CFAP221: variants seen among roughly 807,000 people sequenced by gnomAD.
CFAP221 encodes cilia- and flagella-associated protein 221.
Under a neutral mutation model 113.1 loss-of-function variants are expected in CFAP221, and 97 were observed. That is an observed-to-expected ratio of 0.86 (90% CI 0.73 to 1.02). CFAP221 has a LOEUF of 1.02. Ranked by LOEUF, CFAP221 falls within the 50% of genes least tolerant of loss-of-function variation. The pLI is 0.00. For synonymous variants in CFAP221, 331 were observed against 354.4 expected (o/e 0.93, Z 0.74); for missense variants, 1,025 against 1,013.4 (o/e 1.01, Z -0.16).
intron 15 of CFAP221, among the ~76,000 whole-genome samples, chr2:119,626,137 C>G (rs750311080): frequency 6.6e-5 from 10 of 152,292 alleles, no homozygotes; most frequent in Non-Finnish European, 1.5e-4. Flanking sequence ...CCACATGACT[C>G]TAACCTCTTG....
chr2:119,624,891 G>A (rs2104744473), intron 14 of CFAP221, among the ~76,000 whole-genome samples: 1 of 152,194 alleles, frequency 6.6e-6, no homozygotes, highest in South Asian at 2.1e-4. Flanking sequence ...ACTAGGGGAG[G>A]GATATCATTA....
chr2:119,603,999 C>G (rs2104671323), intron 8 of CFAP221, among the ~76,000 whole-genome samples: 1 of 152,256 alleles, frequency 6.6e-6, no homozygotes, highest in South Asian at 2.1e-4. Flanking sequence ...CATCTTGCTA[C>G]AAACAATTGG....
chr2:119,556,610 A>G (rs1032636380), intron 3 of CFAP221, among the ~76,000 whole-genome samples: 2 of 150,378 alleles, frequency 1.3e-5, no homozygotes, highest in Admixed American at 6.6e-5. Flanking sequence ...TTGGAGTGCA[A>G]TGGCGCGATC....
chr2:119,625,913 G>T, intron 15 of CFAP221: 1 of 523,722 alleles, frequency 1.9e-6, no homozygotes, highest in South Asian at 2.4e-5. Flanking sequence ...GGCTGAATAT[G>T]GTATTTTCTC....
chr2:119,559,996 C>A lies in CFAP221; in HGVS notation c.396C>A (p.Tyr132Ter). 1 of 1,522,808 alleles carries A rather than the reference C, an allele frequency of 6.6e-7. No individual in the cohort carries two copies. The highest frequency in any genetic ancestry group is 8.8e-7 in the Non-Finnish European group (1 of 1,138,782). 94.3% of individuals were successfully genotyped at this position (1,522,808 alleles called of 1,614,324 possible). The change falls in exon 5 of 24, where the codon TAC (tyrosine) becomes TAA (stop). Residue 132 changes from tyrosine (Y) to a stop codon, truncating the protein, a stop_gained. Transcript: ENST00000413369. LOFTEE classifies it high-confidence loss of function. Reference protein sequence around the residue: ...TVTFSPDEWRYYYDCIRVHCK... With the variant: ...TVTFSPDEWR ...CATTTTCTCCAGATGAGTGGCGATA[C>A]TATTATGACTGCATCCGTGTTCACT... is the stretch of plus-strand genomic sequence containing the variant.
At chr2:119,618,204 C>G (rs1160145808) in intron 14 of CFAP221, among the ~76,000 whole-genome samples, 1 of 152,210 alleles carries the variant, frequency 6.6e-6, no homozygotes, top group East Asian at 1.9e-4. Flanking sequence ...CATTTATTTG[C>G]TCCTTACTGT....
At chr2:119,615,528 CA>C in intron 13 of CFAP221, 82 bp from the exon 14 acceptor site, 1 of 1,007,576 alleles carries the variant, frequency 9.9e-7, no homozygotes, top group Non-Finnish European at 1.4e-6. Flanking sequence ...GATTTGGGAT[CA>C]AACTCTAAAA....
chr2:119,567,377 T>C (rs753256527), intron 6 of CFAP221, among the ~76,000 whole-genome samples: 2 of 152,226 alleles, frequency 1.3e-5, no homozygotes, highest in Non-Finnish European at 2.9e-5. Context: ...TAGTATTTAG[T>C]CTTTTTCTGA....
chr2:119,611,120 C>G (rs1029889173), intron 12 of CFAP221, among the ~76,000 whole-genome samples: 2 of 152,114 alleles, frequency 1.3e-5, no homozygotes, highest in Non-Finnish European at 2.9e-5. Context: ...TCCCCACATG[C>G]CTTCCTTAAA....
intron 6 of CFAP221, among the ~76,000 whole-genome samples, chr2:119,585,748 C>T (rs182456181): frequency 4.8e-4 from 73 of 152,258 alleles, no homozygotes; most frequent in African/African-American, 1.3e-3. Flanking sequence ...AGGGTTATTT[C>T]GCTTCACACC....
chr2:119,555,957 T>A (rs1158008185), intron 3 of CFAP221: 3 of 152,252 alleles, frequency 2.0e-5, no homozygotes, highest in Non-Finnish European at 2.9e-5. Flanking sequence ...GGCTTTTGGA[T>A]GTTGACTTTG....
intron 19 of CFAP221, among the ~76,000 whole-genome samples, chr2:119,635,181 C>T (rs1687039349): frequency 6.6e-6 from 1 of 152,140 alleles, no homozygotes; most frequent in Non-Finnish European, 1.5e-5. Context: ...TGTTAGAACA[C>T]CTACAATTTG....
At chr2:119,602,196 A>G (rs1018174889) in intron 8 of CFAP221, among the ~76,000 whole-genome samples, 5 of 152,138 alleles carry the variant, frequency 3.3e-5, no homozygotes, top group South Asian at 2.1e-4. Flanking sequence ...CCTGGCCAAC[A>G]GGGTGAAACC....
chr2:119,587,781 A>G (rs187391812), intron 7 of CFAP221, among the ~76,000 whole-genome samples: 76 of 152,342 alleles, frequency 5.0e-4, no homozygotes, highest in Admixed American at 4.7e-3. Context: ...ACAGATATTT[A>G]AAATTGTTAA....
intron 19 of CFAP221, among the ~76,000 whole-genome samples, chr2:119,636,762 A>G (rs1687139637): frequency 6.6e-6 from 1 of 152,206 alleles, no homozygotes; most frequent in Non-Finnish European, 1.5e-5. Context: ...AGTCGCTACC[A>G]CATGCATGCG....
rs1684652055 is a variant in CFAP221 at position 119,605,187 on chromosome 2, A to C, written c.1031A>C (p.Asp344Ala). The C allele has an allele frequency of 6.2e-7, 1 of 1,613,632 alleles. No individual in the cohort carries two copies. Residue 344 changes from aspartate (D) to alanine (A), a missense_variant, in exon 11 of 24, where the codon GAC becomes GCC. By Grantham distance (126) the Asp-to-Ala change is moderately radical. Transcript: ENST00000413369. ...TGTCTGCTCCTGCCTTCAGTTTTGG[A>C]CCAGGGCACTGAAATTTCAAAAACG... is the stretch of plus-strand genomic sequence containing the variant. ...LKIKELREVL[D>A]QGTEISKTRQ...
At chr2:119,581,862 T>G (rs1682871926) in intron 6 of CFAP221, among the ~76,000 whole-genome samples, 1 of 151,860 alleles carries the variant, frequency 6.6e-6, no homozygotes, top group South Asian at 2.1e-4. Flanking sequence ...CCCAGGAGTT[T>G]GAGACCAGCC....
chr2:119,556,864 A>AT (rs1680845345), intron 3 of CFAP221: 1 of 151,802 alleles, frequency 6.6e-6, no homozygotes, highest in Non-Finnish European at 1.5e-5. Flanking sequence ...CCTATTGCAA[A>AT]TTTTTTACTC....
intron 6 of CFAP221, among the ~76,000 whole-genome samples, chr2:119,583,415 T>TA (rs70947302): frequency 2.0e-5 from 3 of 149,360 alleles, no homozygotes; most frequent in African/African-American, 7.4e-5. Flanking sequence ...TTTTTTTTTT[T>TA]AGATTTTATG....
Sources: gnomAD v4.1 joint callset for allele counts (sites outside exome capture counted in the v4.1 genomes callset) on GRCh38, gnomAD v4.1.1 for gene constraint, MANE v1.5 for transcripts, NCBI Gene and HGNC (gene_info 2026-07-23, HGNC 2026-07-21) for gene names.